The following NFIB variants were observed in gnomAD, a reference collection of about 807,000 sequenced individuals.
The protein encoded by NFIB is nuclear factor I B.
In NFIB, 11 loss-of-function variants were observed where a neutral mutation model predicts 61.5. That is an observed-to-expected ratio of 0.18 (90% CI 0.11 to 0.30). The LOEUF (loss-of-function observed/expected upper bound fraction) is 0.30. Ranked by LOEUF, NFIB falls within the 10% of genes least tolerant of loss-of-function variation. NFIB has a pLI of 1.00. For missense variants in NFIB, 471 were observed against 608.9 expected, an observed-to-expected ratio of 0.77 and a Z score of 2.38; for synonymous variants, 260 against 216.5, an observed-to-expected ratio of 1.20 and a Z score of -1.76.
rs2032974771 is a variant in NFIB at position 14,087,108 on chromosome 9, C to T, written c.*1201G>A. ...ACCCTTGTGACATGGATTTGCCTGC[C>T]TCTTTGTCTCTATAATGCAGATTTT... is the stretch of plus-strand genomic sequence containing the variant. On this transcript the variant is annotated 3_prime_UTR_variant, in exon 11 of 11. Transcript: ENST00000380953. 4.9e-6 allele frequency: 1 copy of T among 202,784 alleles called. No individual in the cohort carries two copies. The highest frequency in any genetic ancestry group is 1.0e-5 in the Non-Finnish European group (1 of 98,390). 12.6% of individuals were successfully genotyped at this position (202,784 alleles called of 1,614,324 possible).
chr9:14,237,491 T>C (rs2053858052), intron 2 of NFIB, among the ~76,000 whole-genome samples: 1 of 152,188 alleles, frequency 6.6e-6, no homozygotes, highest in African/African-American at 2.4e-5. Flanking sequence ...TCATTATGTC[T>C]ATGTACCTTC....
chr9:14,192,296 A>G (rs889356343), intron 2 of NFIB, among the ~76,000 whole-genome samples: 4 of 152,190 alleles, frequency 2.6e-5, no homozygotes, highest in Admixed American at 2.6e-4. Context: ...TTCAGATAGG[A>G]TTTAAAAAAT....
intron 2 of NFIB, among the ~76,000 whole-genome samples, chr9:14,187,709 C>G: frequency 6.6e-6 from 1 of 151,964 alleles, no homozygotes; most frequent in Non-Finnish European, 1.5e-5. Flanking sequence ...TTTGTTAGCG[C>G]TCAAGACTGA....
At chr9:14,205,116 C>T (rs1474348136) in intron 2 of NFIB, 1 of 157,164 alleles carries the variant, frequency 6.4e-6, no homozygotes, top group Non-Finnish European at 1.3e-5. Flanking sequence ...GAGGAATTAA[C>T]TATGTCTGTG....
At chr9:14,275,504 ACT>A (rs2132374223) in intron 2 of NFIB, among the ~76,000 whole-genome samples, 1 of 152,138 alleles carries the variant, frequency 6.6e-6, no homozygotes, top group South Asian at 2.1e-4. Context: ...GGCTAGGAAG[ACT>A]CTCATTAACA....
At chr9:14,516,478 A>C in the NFIB span, among the ~76,000 whole-genome samples, 1 of 152,224 alleles carries the variant, frequency 6.6e-6, no homozygotes, top group South Asian at 2.1e-4. Flanking sequence ...TCTCAAAAAA[A>C]AGGCTTGGTT....
the NFIB span, among the ~76,000 whole-genome samples, chr9:14,528,161 A>T: frequency 6.6e-6 from 1 of 152,226 alleles, no homozygotes; most frequent in East Asian, 1.9e-4. Context: ...CTGTGAAAAC[A>T]ATCTTTTCAA....
chr9:14,321,972 T>C, intron 1 of NFIB: 2 of 1,229,632 alleles, frequency 1.6e-6, no homozygotes, highest in Non-Finnish European at 1.0e-6. Context: ...ATAAAAGAGA[T>C]CTTGAGTCTG....
chr9:14,419,471 G>A, the NFIB span, among the ~76,000 whole-genome samples: 2 of 152,108 alleles, frequency 1.3e-5, no homozygotes, highest in Admixed American at 1.3e-4. Context: ...CATGTGACCT[G>A]GCACTTAGAA....
At chr9:14,149,486 C>G (rs2042628597) in intron 5 of NFIB, among the ~76,000 whole-genome samples, 1 of 152,014 alleles carries the variant, frequency 6.6e-6, no homozygotes, top group African/African-American at 2.4e-5. Flanking sequence ...AATCTTTATT[C>G]ACCCTGACTG....
At chr9:14,453,856 G>A in the NFIB span, among the ~76,000 whole-genome samples, 1 of 151,908 alleles carries the variant, frequency 6.6e-6, no homozygotes, top group African/African-American at 2.4e-5. Context: ...TCTGAGGCTG[G>A]TGGATCACAG....
chr9:14,133,187 T>A (rs1207640069), intron 6 of NFIB, among the ~76,000 whole-genome samples: 3 of 152,132 alleles, frequency 2.0e-5, no homozygotes, highest in African/African-American at 4.8e-5. Context: ...TAGATTTTTT[T>A]TAAAAGAGTT....
intron 10 of NFIB, among the ~76,000 whole-genome samples, chr9:14,108,503 C>T (rs139834714): frequency 3.7e-4 from 57 of 152,046 alleles, no homozygotes; most frequent in African/African-American, 1.4e-3. Context: ...GTTTTAAAAA[C>T]AAAAGTGTTA....
intron 2 of NFIB, among the ~76,000 whole-genome samples, chr9:14,195,861 AG>A (rs1488907349): frequency 3.3e-5 from 5 of 152,132 alleles, no homozygotes; most frequent in African/African-American, 9.7e-5. Context: ...GGGAGGAAAA[AG>A]GGGGTGGGGT....
At chr9:14,452,673 T>A in the NFIB span, among the ~76,000 whole-genome samples, 1 of 152,172 alleles carries the variant, frequency 6.6e-6, no homozygotes, top group Non-Finnish European at 1.5e-5. Context: ...CTAGTAGACA[T>A]GTCTGCTCCT....
chr9:14,347,588 G>GGGGAGAAGGGAGAA (rs71321982), intron 1 of NFIB, among the ~76,000 whole-genome samples: 49,922 of 151,242 alleles, frequency 0.33, 8,527 homozygotes, highest in Middle Eastern at 0.51. Context: ...GATTGGGAGA[G>GGGGAGAAGGGAGAA]GGGAGAAGGG....
intron 10 of NFIB, among the ~76,000 whole-genome samples, chr9:14,107,271 G>C (rs1250268314): frequency 1.3e-5 from 2 of 151,268 alleles, no homozygotes; most frequent in African/African-American, 4.9e-5. Context: ...AAGAAAAATG[G>C]TCAGAATAAA....
At chr9:14,507,785 A>G in the NFIB span, among the ~76,000 whole-genome samples, 1 of 152,146 alleles carries the variant, frequency 6.6e-6, no homozygotes, top group Non-Finnish European at 1.5e-5. Flanking sequence ...TCAGACAGAA[A>G]TAAAGCAACC....
At chr9:14,463,166 AATTATTTT>A in the NFIB span, among the ~76,000 whole-genome samples, 8 of 151,318 alleles carry the variant, frequency 5.3e-5, no homozygotes, top group Non-Finnish European at 8.8e-5. Context: ...TTTATTAATT[AATTATTTT>A]ATTATTTTAT....
Sources: gnomAD v4.1 joint callset for allele counts (sites outside exome capture counted in the v4.1 genomes callset) on GRCh38, gnomAD v4.1.1 for gene constraint, MANE v1.5 for transcripts, NCBI Gene and HGNC (gene_info 2026-07-23, HGNC 2026-07-21) for gene names.